MESD: variants seen among roughly 807,000 people sequenced by gnomAD.
MESD encodes mesoderm development LRP chaperone.
A neutral mutation model predicts 12.9 loss-of-function variants in MESD; 7 were observed. The observed-to-expected ratio is 0.54, with a 90% CI of 0.31 to 1.02. MESD has a LOEUF of 1.02. Ranked by LOEUF, MESD falls within the 50% of genes least tolerant of loss-of-function variation. MESD has a pLI of 0.05. For synonymous variants in MESD, 126 were observed against 115.6 expected, an observed-to-expected ratio of 1.09 and a Z score of -0.58; for missense variants, 342 against 296.7, an observed-to-expected ratio of 1.15 and a Z score of -1.12.
chr15:80,981,976 A>C lies in MESD; in HGVS notation c.420T>G (p.Leu140=). ...EEITSLWQGS[L]FNANYDVQRF... The stretch of plus-strand genomic sequence containing the variant: ...TCTGGACGTCATAGTTGGCATTGAA[A>C]AGGCTGCCCTGCCAGAGGCTCGTAA... Residue 140 remains leucine (L), a synonymous_variant, in exon 2 of 3, where the codon CTT becomes CTG. Transcript: ENST00000261758. 1 of 1,614,106 alleles carries C rather than the reference A, an allele frequency of 6.2e-7. No homozygotes were observed. Among genetic ancestry groups the C allele is most frequent in the Admixed American group, 1.7e-5 (1 of 60,018 alleles).
At chr15:80,955,207 C>T (rs1460242973) in intron 3 of MESD, among the ~76,000 whole-genome samples, 1 of 151,734 alleles carries the variant, frequency 6.6e-6, no homozygotes, top group Non-Finnish European at 1.5e-5. Context: ...CAATCTCGGC[C>T]GGGCGCGGTG....
rs1902481417 is a variant in MESD, at chr15:80,978,517, C to T, written c.*702G>A. ...TCACATTAAATGGAACATATAACCCCTCGACACCAGCAGTACTCTTTCCTA... is the reference window on the plus strand; with the variant it reads ...TCACATTAAATGGAACATATAACCCTTCGACACCAGCAGTACTCTTTCCTA... On this transcript the variant is annotated 3_prime_UTR_variant, in exon 3 of 3. Transcript: ENST00000261758. The T allele has an allele frequency of 6.6e-6, 1 of 152,220 alleles. No individual in the cohort carries two copies. Among genetic ancestry groups the T allele is most frequent in the African/African-American group, 2.4e-5 (1 of 41,436 alleles). The allele number at this position is 152,220 out of a possible 1,614,324, so 9.4% of individuals were successfully genotyped here.
intron 3 of MESD, among the ~76,000 whole-genome samples, chr15:80,966,972 C>G (rs1567121344): frequency 6.6e-6 from 1 of 152,136 alleles, no homozygotes; most frequent in Non-Finnish European, 1.5e-5. Flanking sequence ...AGGTGATGCG[C>G]TCAAGGCATT....
chr15:80,950,579 T>G (rs1005328213), intron 4 of MESD: 1 of 152,290 alleles, frequency 6.6e-6, no homozygotes, highest in African/African-American at 2.4e-5. Flanking sequence ...TACCTGGCTC[T>G]CCTGTCTCTG....
At chr15:80,986,122 T>G (rs1378264580) in intron 1 of MESD, among the ~76,000 whole-genome samples, 4 of 152,144 alleles carry the variant, frequency 2.6e-5, no homozygotes, top group Non-Finnish European at 5.9e-5. Context: ...AATAGTACCC[T>G]AATGAGCCTG....
chr15:80,974,061 TCC>T (rs111416993), downstream of MESD, among the ~76,000 whole-genome samples: 1 of 149,512 alleles, frequency 6.7e-6, no homozygotes, highest in African/African-American at 2.4e-5. Context: ...CAATTATGGT[TCC>T]CCCCCCCACT....
At chr15:80,956,154 C>T (rs938903185) in intron 3 of MESD, among the ~76,000 whole-genome samples, 5 of 152,084 alleles carry the variant, frequency 3.3e-5, no homozygotes, top group Non-Finnish European at 5.9e-5. Context: ...CGCGCCACTA[C>T]ACTCCAGCCT....
intron 3 of MESD, among the ~76,000 whole-genome samples, chr15:80,953,563 C>T (rs1220680671): frequency 6.6e-6 from 1 of 152,210 alleles, no homozygotes; most frequent in Non-Finnish European, 1.5e-5. Context: ...ATGATCTGCT[C>T]TCCCTCACCA....
intron 3 of MESD, among the ~76,000 whole-genome samples, chr15:80,963,581 T>C (rs967673384): frequency 2.6e-5 from 4 of 152,178 alleles, no homozygotes; most frequent in African/African-American, 9.7e-5. Context: ...AAATCCTCAA[T>C]AAAATACTGG....
exon 5 of MESD, chr15:80,948,114 C>T (rs1490126994): frequency 6.5e-6 from 1 of 153,118 alleles, no homozygotes; most frequent in Admixed American, 6.5e-5. Flanking sequence ...TCCCGGTTGC[C>T]AAAAGCTGAT....
intron 3 of MESD, chr15:80,953,019 A>G (rs992973447): frequency 4.4e-6 from 2 of 456,100 alleles, no homozygotes; most frequent in Non-Finnish European, 8.8e-6. Context: ...AGTGAGTGGA[A>G]GTAGGACAGG....
intron 3 of MESD, among the ~76,000 whole-genome samples, chr15:80,955,818 C>T (rs921140286): frequency 1.3e-5 from 2 of 151,756 alleles, no homozygotes; most frequent in African/African-American, 4.8e-5. Flanking sequence ...GACGGGTTTT[C>T]GCCATGTTGG....
chr15:80,948,497 A>G, exon 5 of MESD: 1 of 438,148 alleles, frequency 2.3e-6, no homozygotes, highest in Non-Finnish European at 4.3e-6. Flanking sequence ...GGTTCCTAGG[A>G]GGTCTCCTCC....
intron 3 of MESD, among the ~76,000 whole-genome samples, chr15:80,952,617 CGTGT>C (rs113669846): frequency 9.4e-5 from 14 of 149,296 alleles, no homozygotes; most frequent in Middle Eastern, 3.5e-3. Flanking sequence ...AACTATGTCT[CGTGT>C]GTGTGTGTGT....
downstream of MESD, among the ~76,000 whole-genome samples, chr15:80,974,210 G>A (rs1417842153): frequency 2.0e-5 from 3 of 152,190 alleles, no homozygotes; most frequent in African/African-American, 7.2e-5. Context: ...AGAGAAGGCA[G>A]TACTCCGCCC....
At chr15:80,952,792 C>T (rs1045705110) in intron 3 of MESD, 14 of 361,696 alleles carry the variant, frequency 3.9e-5, no homozygotes, top group Admixed American at 1.1e-4. Flanking sequence ...AGAGAGTACA[C>T]GGCCTCTACC....
At position 80,952,523 on chromosome 15, in the gene MESD, A is replaced by AAAAC. The variant is rs1901866975; in HGVS notation, c.*289-231_*289-228dup. 2.6e-5 allele frequency among the ~76,000 whole-genome samples: 4 copies of AAAAC among 152,324 alleles called. No homozygotes were observed. In the South Asian group the frequency reaches 8.3e-4, roughly 32 times the overall value. On this transcript the variant is annotated intron_variant, in intron 3 of 4. Coordinates refer to the MESD transcript ENST00000561312. ...CTACCATATAGGATAGAGTCGATAT[A>AAAAC]AAACATTTCCATCACCACAGAGAGT...
At chr15:80,975,651 G>C (rs574082903), downstream of MESD, 2 of 151,830 alleles carry the variant, frequency 1.3e-5, no homozygotes, top group Admixed American at 1.3e-4. Flanking sequence ...AACAGTATAA[G>C]GGAAACCACC....
intron 3 of MESD, among the ~76,000 whole-genome samples, chr15:80,954,149 C>T (rs994964868): frequency 6.6e-6 from 1 of 152,208 alleles, no homozygotes; most frequent in Non-Finnish European, 1.5e-5. Flanking sequence ...CCACACAAAG[C>T]CTTCTCTGAC....
Sources: allele counts gnomAD v4.1 joint callset (sites outside exome capture counted in the v4.1 genomes callset), GRCh38; gene constraint gnomAD v4.1.1; transcripts MANE v1.5; gene names NCBI Gene and HGNC (gene_info 2026-07-23, HGNC 2026-07-21).